Variants in TMEM182 observed in about 807,000 individuals in gnomAD.
TMEM182 encodes transmembrane protein 182.
In TMEM182, 20 loss-of-function variants were observed where a neutral mutation model predicts 26.8. The ratio of observed to expected loss-of-function variants is 0.75; its 90% CI spans 0.53 to 1.09. The LOEUF is 1.09. Among genes scored for constraint, TMEM182 ranks in the 50% least tolerant of loss-of-function variants. The pLI, the probability that TMEM182 is intolerant of heterozygous loss-of-function variation, is 0.00. For synonymous variants in TMEM182, 109 were observed against 102.2 expected, an observed-to-expected ratio of 1.07 and a Z score of -0.40; for missense variants, 277 against 275.5, an observed-to-expected ratio of 1.01 and a Z score of -0.04.
At chr2:102,762,788 C>G in intron 2 of TMEM182, 102 bp downstream of exon 2, 2 of 884,500 alleles carry the variant, frequency 2.3e-6, no homozygotes, top group Non-Finnish European at 3.4e-6. Context: ...TTGTGAGTTA[C>G]AAAATCTCAA....
intron 1 of TMEM182, among the ~76,000 whole-genome samples, chr2:102,753,350 C>T (rs1260862129): frequency 1.3e-5 from 2 of 152,078 alleles, no homozygotes; most frequent in African/African-American, 4.8e-5. Flanking sequence ...ATAGGTGACT[C>T]TCAATTTAAA....
chr2:102,776,841 A>G (rs995017239), intron 3 of TMEM182, among the ~76,000 whole-genome samples: 1 of 152,194 alleles, frequency 6.6e-6, no homozygotes. Context: ...GGACTTAGCC[A>G]TTCGAATAGG....
At chr2:102,764,008 T>C (rs1368197914) in intron 2 of TMEM182, among the ~76,000 whole-genome samples, 1 of 152,202 alleles carries the variant, frequency 6.6e-6, no homozygotes, top group Admixed American at 6.5e-5. Context: ...CTAGACACTG[T>C]TGGGTACTGG....
chr2:102,832,320 C>T (rs1349581159), intron 3 of TMEM182, among the ~76,000 whole-genome samples: 1 of 152,178 alleles, frequency 6.6e-6, no homozygotes, highest in Non-Finnish European at 1.5e-5. Flanking sequence ...TTCATTTCTA[C>T]TGGGATTGTA....
At chr2:102,820,328 T>A (rs986941048), downstream of TMEM182, among the ~76,000 whole-genome samples, 27 of 152,362 alleles carry the variant, frequency 1.8e-4, no homozygotes, top group Middle Eastern at 3.4e-3. Context: ...GCATACATGC[T>A]ACTAGTCACA....
rs2732822 is a variant in TMEM182 at position 102,815,878 on chromosome 2, A to G, written c.*910A>G. ...AATATTTTTTAGATATAAACTTTCA[A>G]CGTACTTCCATATGAGGATTATAAT... is the stretch of plus-strand genomic sequence containing the variant. On this transcript the variant is annotated 3_prime_UTR_variant, in exon 5 of 5. Transcript: ENST00000412401. 0.31 allele frequency: 282,318 copies of G among 910,652 alleles called. 44,791 individuals carry two copies. The highest frequency in any genetic ancestry group is 0.41 in the South Asian group (7,943 of 19,468). 56.4% of individuals were successfully genotyped at this position (910,652 alleles called of 1,614,324 possible). A position where few individuals can be genotyped will look rare whatever the true frequency, so the allele number is the denominator to read the frequency against.
intron 3 of TMEM182, among the ~76,000 whole-genome samples, chr2:102,838,208 C>T (rs1163652262): frequency 6.6e-6 from 1 of 152,196 alleles, no homozygotes; most frequent in Non-Finnish European, 1.5e-5. Context: ...TCCATTATTA[C>T]TTTTGAGGGA....
intron 4 of TMEM182, among the ~76,000 whole-genome samples, chr2:102,799,379 A>G (rs987065808): frequency 6.6e-6 from 1 of 152,206 alleles, no homozygotes; most frequent in Admixed American, 6.5e-5. Context: ...TAGATCCTGT[A>G]TTTTGTAGGG....
Position 102,745,312 on chromosome 2 carries a change from A to G in TMEM182, c.-83+8299A>G, listed in dbSNP as rs117073728. ...TTTTATCTCTCTGTTGAAGATACCT[A>G]TCTGGTCTTGCATGTTGTTTAACTT... On this transcript the variant is annotated intron_variant, in intron 1 of 5. Coordinates refer to the TMEM182 transcript ENST00000409173. 1.8e-3 allele frequency among the ~76,000 whole-genome samples: 274 copies of G among 152,112 alleles called. 7 individuals carry two copies. The East Asian group carries it at 0.038, about 21-fold the overall frequency.
At chr2:102,808,448 G>A (rs1445343186) in intron 4 of TMEM182, among the ~76,000 whole-genome samples, 1 of 152,162 alleles carries the variant, frequency 6.6e-6, no homozygotes, top group African/African-American at 2.4e-5. Context: ...GAAAAGGGAG[G>A]AAGCTTCAGC....
intron 1 of TMEM182, among the ~76,000 whole-genome samples, chr2:102,746,820 C>T (rs1679714121): frequency 6.6e-6 from 1 of 152,186 alleles, no homozygotes; most frequent in Non-Finnish European, 1.5e-5. Context: ...AACTCCTGAA[C>T]TTATGATTCG....
At chr2:102,785,774 G>A (rs977713247) in intron 3 of TMEM182, among the ~76,000 whole-genome samples, 29 of 152,084 alleles carry the variant, frequency 1.9e-4, no homozygotes, top group African/African-American at 6.5e-4. Flanking sequence ...AAGACTATAA[G>A]TTTCCCTGGG....
At chr2:102,782,657 C>G (rs1681221703) in intron 3 of TMEM182, among the ~76,000 whole-genome samples, 1 of 152,082 alleles carries the variant, frequency 6.6e-6, no homozygotes, top group African/African-American at 2.4e-5. Flanking sequence ...GAGCTGCCTC[C>G]ATTTCCATAA....
At chr2:102,773,924 A>G (rs1006610583) in intron 3 of TMEM182, among the ~76,000 whole-genome samples, 1 of 152,058 alleles carries the variant, frequency 6.6e-6, no homozygotes, top group Admixed American at 6.6e-5. Context: ...ACACCAAAAA[A>G]CTGTGTATAT....
chr2:102,738,823 A>T (rs1264505053), intron 1 of TMEM182, among the ~76,000 whole-genome samples: 1 of 152,106 alleles, frequency 6.6e-6, no homozygotes, highest in Non-Finnish European at 1.5e-5. Flanking sequence ...TGAAATTTAG[A>T]CTCAAAGATG....
At chr2:102,748,466 G>A (rs569806008) in intron 1 of TMEM182, among the ~76,000 whole-genome samples, 3 of 152,192 alleles carry the variant, frequency 2.0e-5, no homozygotes, top group Non-Finnish European at 2.9e-5. Flanking sequence ...ATGAGAAAAG[G>A]CACAAAATAA....
chr2:102,775,188 C>G (rs1054525905), intron 3 of TMEM182: 1 of 152,154 alleles, frequency 6.6e-6, no homozygotes, highest in Non-Finnish European at 1.5e-5. Context: ...AGCTTATCCA[C>G]CATGATCAAG....
intron 3 of TMEM182, among the ~76,000 whole-genome samples, chr2:102,823,898 G>A (rs1682976629): frequency 6.6e-6 from 1 of 152,196 alleles, no homozygotes; most frequent in Admixed American, 6.5e-5. Context: ...CAATCAAAAG[G>A]CGTATCATAA....
At chr2:102,807,038 C>T (rs1682376663) in intron 4 of TMEM182, among the ~76,000 whole-genome samples, 1 of 152,172 alleles carries the variant, frequency 6.6e-6, no homozygotes, top group South Asian at 2.1e-4. Context: ...GGTAAACCCC[C>T]ATGGTCATTC....
Sources: allele counts gnomAD v4.1 joint callset (sites outside exome capture counted in the v4.1 genomes callset), GRCh38; gene constraint gnomAD v4.1.1; transcripts MANE v1.5; gene names NCBI Gene and HGNC (gene_info 2026-07-23, HGNC 2026-07-21).